The following UNC13C variants were observed in gnomAD, a reference collection of about 807,000 sequenced individuals.
The protein encoded by UNC13C is protein unc-13 homolog C.
A neutral mutation model predicts 245.4 loss-of-function variants in UNC13C; 174 were observed. The ratio of observed to expected loss-of-function variants is 0.71; its 90% CI spans 0.63 to 0.80. UNC13C has a LOEUF of 0.80. UNC13C is among the 30% of genes least tolerant of loss of function. The probability of loss-of-function intolerance (pLI) is 0.00; values close to 1 mark genes in which losing one functional copy is unlikely to be tolerated. For synonymous variants in UNC13C, 992 were observed against 895.1 expected (o/e 1.11, Z -1.93); for missense variants, 2,829 against 2,602.9 (o/e 1.09, Z -1.89).
intron 2 of UNC13C, among the ~76,000 whole-genome samples, chr15:54,027,557 G>A (rs906544525): frequency 1.3e-5 from 2 of 152,076 alleles, no homozygotes. Flanking sequence ...TTTTAGTACA[G>A]ATGGGGTTTT....
the UNC13C span, among the ~76,000 whole-genome samples, chr15:53,892,753 T>A: frequency 6.6e-6 from 1 of 152,162 alleles, no homozygotes; most frequent in Non-Finnish European, 1.5e-5. Flanking sequence ...AACTGGTTAT[T>A]CTAGTTAGAA....
intron 29 of UNC13C, among the ~76,000 whole-genome samples, chr15:54,566,341 A>C (rs1206875719): frequency 1.3e-5 from 2 of 152,132 alleles, no homozygotes; most frequent in Non-Finnish European, 2.9e-5. Flanking sequence ...GTTCTGGACT[A>C]ATAGTCCTCT....
At chr15:54,001,350 A>C (rs891528364) in intron 1 of UNC13C, among the ~76,000 whole-genome samples, 6 of 151,962 alleles carry the variant, frequency 3.9e-5, no homozygotes, top group Non-Finnish European at 8.8e-5. Flanking sequence ...ACACAGATGG[A>C]GGAGTGCATT....
intron 2 of UNC13C, among the ~76,000 whole-genome samples, chr15:54,034,964 C>A (rs1896513392): frequency 6.6e-6 from 1 of 152,154 alleles, no homozygotes; most frequent in Admixed American, 6.5e-5. Context: ...AACTCTTCTT[C>A]CCAATGACCA....
chr15:54,071,045 T>C (rs1227501848), intron 2 of UNC13C, among the ~76,000 whole-genome samples: 1 of 152,188 alleles, frequency 6.6e-6, no homozygotes, highest in Non-Finnish European at 1.5e-5. Context: ...TATGAACTTT[T>C]ATGAAAGAGT....
chr15:53,868,088 GC>G, the UNC13C span, among the ~76,000 whole-genome samples: 1 of 152,150 alleles, frequency 6.6e-6, no homozygotes, highest in Non-Finnish European at 1.5e-5. Flanking sequence ...TTCTGCCTTG[GC>G]CTCCCAAAGT....
At chr15:54,484,334 G>A (rs577131678) in intron 19 of UNC13C, among the ~76,000 whole-genome samples, 4 of 152,178 alleles carry the variant, frequency 2.6e-5, no homozygotes, top group South Asian at 2.1e-4. Context: ...ACTTTTTAGC[G>A]AGCATGGAAG....
chr15:54,265,976 G>C (rs543719925), intron 10 of UNC13C, among the ~76,000 whole-genome samples: 186 of 152,006 alleles, frequency 1.2e-3, no homozygotes, highest in African/African-American at 4.3e-3. Flanking sequence ...CATTCCACGA[G>C]GGCATTTATT....
intron 17 of UNC13C, among the ~76,000 whole-genome samples, chr15:54,386,738 A>T (rs186223308): frequency 6.6e-6 from 1 of 152,284 alleles, no homozygotes; most frequent in Admixed American, 6.5e-5. Context: ...ACAGTTTTTT[A>T]AATGAGAATT....
chr15:54,321,000 C>T, intron 13 of UNC13C: 1 of 430,994 alleles, frequency 2.3e-6, no homozygotes, highest in East Asian at 6.3e-5. Context: ...ACAGCTGCCA[C>T]CAAAGCCACA....
intron 2 of UNC13C, among the ~76,000 whole-genome samples, chr15:54,044,888 A>G (rs1896963979): frequency 6.6e-6 from 1 of 152,046 alleles, no homozygotes; most frequent in African/African-American, 2.4e-5. Flanking sequence ...CAAAATATAT[A>G]TTCGAATTAT....
At chr15:54,592,897 A>G (rs1296029351) in intron 30 of UNC13C, among the ~76,000 whole-genome samples, 2 of 131,830 alleles carry the variant, frequency 1.5e-5, no homozygotes, top group Non-Finnish European at 3.2e-5. Flanking sequence ...TTTTTGTTGT[A>G]TAGGTCTTGT....
At chr15:54,081,735 T>A (rs1016515627) in intron 2 of UNC13C, among the ~76,000 whole-genome samples, 5 of 152,120 alleles carry the variant, frequency 3.3e-5, no homozygotes, top group African/African-American at 1.2e-4. Flanking sequence ...TATTGTTTTT[T>A]AATCCAATTT....
the UNC13C span, among the ~76,000 whole-genome samples, chr15:53,940,262 G>A: frequency 4.0e-5 from 6 of 151,852 alleles, no homozygotes; most frequent in Non-Finnish European, 8.8e-5. Flanking sequence ...GTCCCTAACC[G>A]TTGTCCCTTT....
intron 19 of UNC13C, among the ~76,000 whole-genome samples, chr15:54,485,410 A>T (rs1044467002): frequency 1.3e-5 from 2 of 152,198 alleles, no homozygotes; most frequent in African/African-American, 4.8e-5. Context: ...GTGGAAAGAC[A>T]CAGAACCAAG....
intron 10 of UNC13C, among the ~76,000 whole-genome samples, chr15:54,288,413 C>A (rs575216172): frequency 8.6e-5 from 13 of 151,974 alleles, no homozygotes; most frequent in Non-Finnish European, 1.9e-4. Flanking sequence ...ATTCCATTAT[C>A]TGCAATATCC....
At chr15:54,230,283 G>T (rs976553325) in intron 4 of UNC13C, among the ~76,000 whole-genome samples, 2 of 151,964 alleles carry the variant, frequency 1.3e-5, no homozygotes, top group African/African-American at 4.8e-5. Context: ...GATAACTCTT[G>T]TATCACTTGT....
intron 29 of UNC13C, among the ~76,000 whole-genome samples, chr15:54,558,665 AAG>A (rs1454261523): frequency 1.3e-5 from 2 of 152,052 alleles, no homozygotes; most frequent in South Asian, 4.1e-4. Context: ...ATTATAAGTC[AAG>A]AGTGTCAAAT....
At chr15:54,359,619 G>T (rs2039182009) in intron 17 of UNC13C, among the ~76,000 whole-genome samples, 1 of 151,616 alleles carries the variant, frequency 6.6e-6, no homozygotes, top group Non-Finnish European at 1.5e-5. Flanking sequence ...TTTTCCACTT[G>T]TTGGCATATA....
Sources: allele counts gnomAD v4.1 joint callset (sites outside exome capture counted in the v4.1 genomes callset), GRCh38; gene constraint gnomAD v4.1.1; transcripts MANE v1.5; gene names NCBI Gene and HGNC (gene_info 2026-07-23, HGNC 2026-07-21).